Variants in FSTL5 observed in about 807,000 individuals in gnomAD.
FSTL5 encodes the protein follistatin like 5.
Under a neutral mutation model 89.1 loss-of-function variants are expected in FSTL5, and 62 were observed. The ratio of observed to expected loss-of-function variants is 0.70; its 90% CI spans 0.57 to 0.86. FSTL5 has a LOEUF of 0.86. FSTL5 is among the 40% of genes least tolerant of loss of function. FSTL5 has a pLI of 0.00. For synonymous variants in FSTL5, 383 were observed against 346.2 expected (o/e 1.11, Z -1.18); for missense variants, 1,057 against 1,001.6 (o/e 1.06, Z -0.75).
At chr4:161,487,500 T>A (rs143357847) in intron 12 of FSTL5, among the ~76,000 whole-genome samples, 1 of 152,146 alleles carries the variant, frequency 6.6e-6, no homozygotes, top group African/African-American at 2.4e-5. Context: ...TCAGTAGACC[T>A]ATCTACTTTA....
In FSTL5 at chr4:161,983,083, C is replaced by T. The variant is rs113763112; in HGVS notation, c.160+50542G>A. ...ATCGAGGAAAGTTCCAGTTTTTGTACGCATTGCACTGACAAACCAGGAGAA... is the reference window on the plus strand; with the variant it reads ...ATCGAGGAAAGTTCCAGTTTTTGTATGCATTGCACTGACAAACCAGGAGAA... On this transcript the variant is annotated intron_variant, in intron 3 of 15. Coordinates refer to ENST00000306100, the MANE Select transcript of FSTL5 (RefSeq NM_020116.5). Among the ~76,000 whole-genome samples, 1,460 of 152,146 alleles carry T rather than the reference C, an allele frequency of 9.6e-3. 29 individuals are homozygous for T. The highest frequency in any genetic ancestry group is 0.031 in the African/African-American group (1,287 of 41,480).
chr4:161,739,356 G>A (rs919368085), intron 6 of FSTL5, among the ~76,000 whole-genome samples: 2 of 152,266 alleles, frequency 1.3e-5, no homozygotes, highest in African/African-American at 4.8e-5. Flanking sequence ...CTTCACTCAT[G>A]CCTCAGAAGG....
chr4:161,499,101 C>T (rs1444972385), intron 12 of FSTL5, among the ~76,000 whole-genome samples: 2 of 152,024 alleles, frequency 1.3e-5, no homozygotes, highest in East Asian at 3.9e-4. Context: ...ACTTGGGAGG[C>T]TGAGGCAGGA....
At chr4:162,066,373 C>CCTT (rs1194587094) in intron 2 of FSTL5, among the ~76,000 whole-genome samples, 30 of 56,240 alleles carry the variant, frequency 5.3e-4, no homozygotes, top group African/African-American at 1.9e-3. Flanking sequence ...TTCTTCTTCT[C>CCTT]CTTCTTCTTC....
chr4:161,603,820 A>G (rs1465381878), intron 7 of FSTL5, among the ~76,000 whole-genome samples: 2 of 152,084 alleles, frequency 1.3e-5, no homozygotes, highest in Non-Finnish European at 2.9e-5. Flanking sequence ...TATAATTTAG[A>G]AGAAGCAATG....
At chr4:162,027,034 G>T (rs1320742357) in intron 3 of FSTL5, among the ~76,000 whole-genome samples, 4 of 152,146 alleles carry the variant, frequency 2.6e-5, no homozygotes, top group Non-Finnish European at 5.9e-5. Flanking sequence ...AAGATTATGT[G>T]TTTGCATAAC....
intron 7 of FSTL5, among the ~76,000 whole-genome samples, chr4:161,600,098 T>C (rs1030178758): frequency 2.0e-5 from 3 of 150,026 alleles, no homozygotes; most frequent in African/African-American, 7.3e-5. Flanking sequence ...TGCTCTGAAA[T>C]TCCATATTTA....
chr4:161,651,078 A>T (rs899302011), intron 7 of FSTL5, among the ~76,000 whole-genome samples: 1 of 152,024 alleles, frequency 6.6e-6, no homozygotes, highest in Non-Finnish European at 1.5e-5. Context: ...TCAATACTCT[A>T]TATTTGTCTT....
chr4:162,022,055 C>T (rs992858882), intron 3 of FSTL5, among the ~76,000 whole-genome samples: 3 of 150,090 alleles, frequency 2.0e-5, no homozygotes, highest in African/African-American at 4.9e-5. Flanking sequence ...TGCACCAGTG[C>T]ACTCCAGCCT....
intron 4 of FSTL5, among the ~76,000 whole-genome samples, chr4:161,844,496 C>A (rs1414967796): frequency 2.0e-5 from 3 of 152,084 alleles, no homozygotes; most frequent in African/African-American, 7.2e-5. Context: ...ATGTTTATTG[C>A]AGCACTGTTC....
intron 6 of FSTL5, among the ~76,000 whole-genome samples, chr4:161,744,408 T>G (rs1393190971): frequency 6.6e-6 from 1 of 152,192 alleles, no homozygotes. Flanking sequence ...TCTCTATGAC[T>G]TACTATAAGA....
chr4:161,540,903 CT>C (rs957297745), intron 9 of FSTL5, among the ~76,000 whole-genome samples: 2 of 152,030 alleles, frequency 1.3e-5, no homozygotes, highest in African/African-American at 4.8e-5. Flanking sequence ...TTATTTTTAA[CT>C]TTCTCTTCTT....
chr4:161,737,966 C>T (rs1248045394), intron 6 of FSTL5, among the ~76,000 whole-genome samples: 1 of 151,896 alleles, frequency 6.6e-6, no homozygotes, highest in East Asian at 1.9e-4. Flanking sequence ...AGTTTTAGGG[C>T]TTTTGAAGAA....
rs147215791 is a variant in FSTL5, at chr4:161,456,800, G to C, written c.1717-1672C>G. Among the ~76,000 whole-genome samples, 349 of 152,322 alleles carry C rather than the reference G, an allele frequency of 2.3e-3. 2 individuals carry two copies. The highest frequency in any genetic ancestry group is 7.8e-3 in the African/African-American group (323 of 41,576). ...AATGGCATAGCAAAAATGCCTTGGA[G>C]ACTAGTGATAGTGGCTTGCTCATGA... is the stretch of plus-strand genomic sequence containing the variant. On this transcript the variant is annotated intron_variant, in intron 14 of 15. Coordinates refer to ENST00000306100, the MANE Select transcript of FSTL5 (RefSeq NM_020116.5).
intron 7 of FSTL5, among the ~76,000 whole-genome samples, chr4:161,601,173 C>T (rs933944616): frequency 6.6e-6 from 1 of 152,006 alleles, no homozygotes; most frequent in Non-Finnish European, 1.5e-5. Flanking sequence ...ACAATTTGCT[C>T]TTCAGAAAGA....
chr4:162,123,551 A>G (rs1731951576), intron 1 of FSTL5, among the ~76,000 whole-genome samples: 1 of 152,164 alleles, frequency 6.6e-6, no homozygotes, highest in Non-Finnish European at 1.5e-5. Flanking sequence ...TGGAGAGTAA[A>G]CTATCCTTGT....
rs1579045728 is a variant in FSTL5, at chr4:161,719,334, G to T, written c.727+40077C>A. 3.3e-5 allele frequency among the ~76,000 whole-genome samples: 5 copies of T among 152,112 alleles called. No individual in the cohort carries two copies. In the East Asian group the frequency reaches 9.7e-4, roughly 29 times the overall value. The stretch of plus-strand genomic sequence containing the variant: ...GTTTATTCCAAGACTATACTGTTTT[G>T]ATTACTGTAGCTTTGAAATGGATTT... On this transcript the variant is annotated intron_variant, in intron 6 of 15. Transcript: ENST00000306100.
At chr4:161,551,111 G>C (rs1335997478) in intron 8 of FSTL5, among the ~76,000 whole-genome samples, 3 of 151,846 alleles carry the variant, frequency 2.0e-5, no homozygotes, top group Non-Finnish European at 4.4e-5. Context: ...TAATGGGATG[G>C]CTGGGTCAAA....
chr4:161,654,882 T>G (rs1736463878), intron 7 of FSTL5, among the ~76,000 whole-genome samples: 1 of 152,156 alleles, frequency 6.6e-6, no homozygotes, highest in African/African-American at 2.4e-5. Context: ...TAATGTTCAC[T>G]TTTTGATGCT....
Sources: gnomAD v4.1 joint callset for allele counts (sites outside exome capture counted in the v4.1 genomes callset) on GRCh38, gnomAD v4.1.1 for gene constraint, MANE v1.5 for transcripts, NCBI Gene and HGNC (gene_info 2026-07-23, HGNC 2026-07-21) for gene names.